Variants in RHOBTB3 observed in about 807,000 individuals in gnomAD.
The protein encoded by RHOBTB3 is Rho related BTB domain containing 3.
RHOBTB3 carries 47 observed loss-of-function variants against 67.2 expected under a neutral mutation model. That is an observed-to-expected ratio of 0.70 (90% confidence interval 0.55 to 0.89). The LOEUF (loss-of-function observed/expected upper bound fraction) is 0.89, where lower values mean the gene tolerates loss of function less well. Ranked by LOEUF, RHOBTB3 falls within the 40% of genes least tolerant of loss-of-function variation. The probability of loss-of-function intolerance (pLI) is 0.00; values close to 1 mark genes in which losing one functional copy is unlikely to be tolerated. For synonymous variants in RHOBTB3, 273 were observed against 274.2 expected (o/e 1.00, Z 0.04); for missense variants, 631 against 750.0 (o/e 0.84, Z 1.85).
chr5:95,790,061 C>A (rs2112841847), intron 11 of RHOBTB3, among the ~76,000 whole-genome samples: 1 of 152,336 alleles, frequency 6.6e-6, no homozygotes, highest in East Asian at 1.9e-4. Context: ...CAGGAACACA[C>A]AATCCGTTTT....
intron 1 of RHOBTB3, among the ~76,000 whole-genome samples, chr5:95,725,640 T>G (rs1375898110): frequency 6.6e-6 from 1 of 152,248 alleles, no homozygotes; most frequent in Non-Finnish European, 1.5e-5. Flanking sequence ...AAAAACTTTT[T>G]CAAGCTGCTA....
intron 4 of RHOBTB3, among the ~76,000 whole-genome samples, chr5:95,751,925 C>A (rs796645878): frequency 2.6e-5 from 4 of 152,274 alleles, no homozygotes; most frequent in African/African-American, 9.6e-5. Context: ...TTTTCTTTAT[C>A]CAGTCTATCG....
At chr5:95,741,651 A>C (rs1271111460) in intron 3 of RHOBTB3, among the ~76,000 whole-genome samples, 1 of 150,960 alleles carries the variant, frequency 6.6e-6, no homozygotes, top group East Asian at 2.0e-4. Context: ...GCATGACCAC[A>C]TCTGCCTTCT....
At position 95,755,648 on chromosome 5, in the gene RHOBTB3, C is replaced by T. The variant is rs183162694; in HGVS notation, c.935C>T (p.Thr312Ile). The T allele has an allele frequency of 4.9e-5, 79 of 1,614,212 alleles. No individual in the cohort carries two copies. The Middle Eastern group carries it at 1.3e-3, about 27-fold the overall frequency. The change falls in exon 6 of 12, where the codon ACT (threonine) becomes ATT (isoleucine). Residue 312 changes from threonine (T) to isoleucine (I), a missense_variant. By Grantham distance (89) the Thr-to-Ile change is moderately conservative (BLOSUM62 -1). Transcript: ENST00000379982. Reference protein sequence around the residue: ...TQDLFAINRDTAFPGASHESS... With the variant: ...TQDLFAINRDIAFPGASHESS... The stretch of plus-strand genomic sequence containing the variant: ...GATCTTTTTGCTATAAACAGAGATA[C>T]TGCATTTCCAGGTGCTAGCCATGAA...
intron 7 of RHOBTB3, among the ~76,000 whole-genome samples, chr5:95,765,897 T>C (rs911383995): frequency 2.6e-5 from 4 of 152,070 alleles, no homozygotes; most frequent in African/African-American, 4.8e-5. Flanking sequence ...CTCCTGACCT[T>C]GTGATCCTCC....
rs969629573 is a variant in RHOBTB3 at position 95,794,425 on chromosome 5, A to G, written c.*1251A>G. On this transcript the variant is annotated 3_prime_UTR_variant, in exon 12 of 12. Transcript: ENST00000379982. ...AATTCTTTTCAAGGACTGCAAGATT[A>G]TTTGATAAAGAGTAGCATGAATCTT... The G allele has an allele frequency of 5.8e-6, 1 of 170,986 alleles. No individual in the cohort carries two copies. Among genetic ancestry groups the G allele is most frequent in the Non-Finnish European group, 1.3e-5 (1 of 78,056 alleles). 10.6% of individuals were successfully genotyped at this position (170,986 alleles called of 1,614,324 possible).
intron 2 of RHOBTB3, 54 bp downstream of exon 2, chr5:95,732,138 T>A: frequency 6.6e-7 from 1 of 1,522,794 alleles, no homozygotes; most frequent in Admixed American, 1.7e-5. Flanking sequence ...TCTTTCCTTT[T>A]TTTTCCCCCT....
At chr5:95,736,104 A>G (rs946364562) in intron 2 of RHOBTB3, among the ~76,000 whole-genome samples, 2 of 152,234 alleles carry the variant, frequency 1.3e-5, no homozygotes, top group Non-Finnish European at 2.9e-5. Flanking sequence ...TCAAAACATT[A>G]TATTTTTAAG....
chr5:95,719,465 G>A (rs1754796444), intron 1 of RHOBTB3, among the ~76,000 whole-genome samples: 1 of 152,174 alleles, frequency 6.6e-6, no homozygotes, highest in South Asian at 2.1e-4. Context: ...ATCAGGGAAT[G>A]GGGCAAGTTA....
intron 7 of RHOBTB3, among the ~76,000 whole-genome samples, chr5:95,765,787 G>C (rs533383585): frequency 6.6e-6 from 1 of 152,068 alleles, no homozygotes; most frequent in Admixed American, 6.5e-5. Flanking sequence ...TCAGCCTCCC[G>C]AGTAGTTGGG....
intron 5 of RHOBTB3, among the ~76,000 whole-genome samples, chr5:95,753,982 G>A (rs1172495769): frequency 1.3e-5 from 2 of 151,968 alleles, no homozygotes; most frequent in Admixed American, 6.6e-5. Context: ...TGATGGCGAC[G>A]CCTGTAGTCC....
At chr5:95,753,432 T>C (rs886074330) in intron 5 of RHOBTB3, among the ~76,000 whole-genome samples, 22 of 152,214 alleles carry the variant, frequency 1.4e-4, no homozygotes, top group Non-Finnish European at 3.1e-4. Flanking sequence ...AAATAAACTT[T>C]AAAATAAATA....
intron 8 of RHOBTB3, chr5:95,768,986 C>A: frequency 4.9e-6 from 1 of 205,280 alleles, no homozygotes. Context: ...AGCTCTGCCG[C>A]TGCCCCATAG....
intron 1 of RHOBTB3, among the ~76,000 whole-genome samples, chr5:95,718,161 T>C (rs1754739243): frequency 1.3e-5 from 2 of 151,998 alleles, no homozygotes; most frequent in Non-Finnish European, 2.9e-5. Context: ...CTTTCCCTCT[T>C]TTTTTTTCTT....
At chr5:95,722,924 G>T (rs1754933217) in intron 1 of RHOBTB3, among the ~76,000 whole-genome samples, 1 of 152,188 alleles carries the variant, frequency 6.6e-6, no homozygotes, top group Non-Finnish European at 1.5e-5. Flanking sequence ...CATATGTTCT[G>T]CTATTTTTAA....
chr5:95,758,337 T>C (rs1580410973), intron 6 of RHOBTB3, among the ~76,000 whole-genome samples: 1 of 152,240 alleles, frequency 6.6e-6, no homozygotes, highest in Admixed American at 6.5e-5. Context: ...ATTCTGATAC[T>C]GTTTGAAAGA....
chr5:95,793,708 TCATAAAAAA>T lies in RHOBTB3; in HGVS notation c.*535_*543del, dbSNP rs1353915113. Reference sequence around the variant, plus strand: ...TCAATTGATGACAGTGTTTGAATCATCATAAAAAAAATACCTGCTTTTCATCTGGACAAC... The same window carrying T: ...TCAATTGATGACAGTGTTTGAATCATAATACCTGCTTTTCATCTGGACAAC... On this transcript the variant is annotated 3_prime_UTR_variant, in exon 12 of 12. Transcript: ENST00000379982. 4.4e-6 allele frequency: 1 copy of T among 227,680 alleles called. No homozygotes were observed. Among genetic ancestry groups the T allele is most frequent in the East Asian group, 1.1e-4 (1 of 8,982 alleles). The allele number at this position is 227,680 out of a possible 1,614,324, so 14.1% of individuals were successfully genotyped here.
intron 7 of RHOBTB3, among the ~76,000 whole-genome samples, chr5:95,766,167 G>A (rs1056849356): frequency 1.3e-5 from 2 of 151,980 alleles, no homozygotes; most frequent in African/African-American, 2.4e-5. Context: ...TTAGGAGGAA[G>A]AATAATATCA....
intron 6 of RHOBTB3, among the ~76,000 whole-genome samples, chr5:95,762,309 G>A (rs940217472): frequency 3.3e-5 from 5 of 152,178 alleles, no homozygotes; most frequent in African/African-American, 1.2e-4. Flanking sequence ...AGAGCTTCTG[G>A]ACTTGCAATC....
Sources: gnomAD v4.1 joint callset for allele counts (sites outside exome capture counted in the v4.1 genomes callset) on GRCh38, gnomAD v4.1.1 for gene constraint, MANE v1.5 for transcripts, NCBI Gene and HGNC (gene_info 2026-07-23, HGNC 2026-07-21) for gene names.